Variants in TEX11 observed in about 807,000 individuals in gnomAD.
TEX11 encodes testis expressed 11, also known as testis-expressed protein 11.
TEX11 carries 7 observed loss-of-function variants against 84.4 expected under a neutral mutation model. The ratio of observed to expected loss-of-function variants is 0.08; its 90% CI spans 0.05 to 0.16. The LOEUF is 0.16. Among genes scored for constraint, TEX11 ranks in the 10% least tolerant of loss-of-function variants. TEX11 has a pLI of 1.00. For synonymous variants in TEX11, 264 were observed against 222.8 expected, an observed-to-expected ratio of 1.18 and a Z score of -1.64; for missense variants, 551 against 660.5, an observed-to-expected ratio of 0.83 and a Z score of 1.82.
At chrX:70,811,661 A>G (rs2091255557) in intron 8 of TEX11, among the ~76,000 whole-genome samples, 2 of 110,358 alleles carry the variant, frequency 1.8e-5, no homozygotes, top group Non-Finnish European at 3.8e-5. Flanking sequence ...AAGTGTTCCT[A>G]TTTCTCCACA....
intron 10 of TEX11, among the ~76,000 whole-genome samples, 186 bp from the exon 11 acceptor site, chrX:70,740,982 G>C (rs748399388): frequency 1.8e-5 from 2 of 111,038 alleles, no homozygotes; most frequent in Admixed American, 1.9e-4. Context: ...ATAAAATATT[G>C]TCTAAGAATG....
At chrX:70,647,964 G>A (rs926048600) in intron 17 of TEX11, among the ~76,000 whole-genome samples, 5 of 111,794 alleles carry the variant, frequency 4.5e-5, no homozygotes, top group South Asian at 7.5e-4. Context: ...ACATGCACAC[G>A]TATGTTTATT....
chrX:70,533,448 G>A (rs2087914568), intron 28 of TEX11, among the ~76,000 whole-genome samples: 1 of 112,104 alleles, frequency 8.9e-6, no homozygotes, highest in Admixed American at 9.5e-5. Flanking sequence ...ACAGAATACA[G>A]AGTAGCAAAG....
At chrX:70,536,088 TC>T (rs1298926800) in intron 28 of TEX11, among the ~76,000 whole-genome samples, 3 of 111,561 alleles carry the variant, frequency 2.7e-5, no homozygotes, top group Non-Finnish European at 5.6e-5. Flanking sequence ...ATCTGGATTT[TC>T]TTTATTTCTT....
At chrX:70,679,446 A>G (rs1183963994) in intron 14 of TEX11, among the ~76,000 whole-genome samples, 1 of 99,341 alleles carries the variant, frequency 1.0e-5, no homozygotes, top group Non-Finnish European at 2.0e-5. Flanking sequence ...CGCAGTCTGG[A>G]AAGTGAGGAG....
downstream of TEX11, among the ~76,000 whole-genome samples, chrX:70,525,109 A>G (rs2087810816): frequency 9.0e-6 from 1 of 111,188 alleles, no homozygotes; most frequent in Non-Finnish European, 1.9e-5. Context: ...TGAGCCTGGG[A>G]GTTTGAAGCT....
intron 25 of TEX11, among the ~76,000 whole-genome samples, chrX:70,558,410 C>T (rs943445182): frequency 9.0e-6 from 1 of 111,309 alleles, no homozygotes; most frequent in African/African-American, 3.3e-5. Context: ...ATAGCATATA[C>T]AAGAATTAAC....
At chrX:70,617,484 G>T (rs749589341) in intron 20 of TEX11, among the ~76,000 whole-genome samples, 1 of 106,570 alleles carries the variant, frequency 9.4e-6, no homozygotes, top group Admixed American at 1.0e-4. Context: ...TATATAATGA[G>T]ATACTACTCA....
chrX:70,849,833 G>A lies in TEX11; in HGVS notation c.525+3201C>T, dbSNP rs774652959. Among the ~76,000 whole-genome samples the A allele has an allele frequency of 6.3e-5, 7 of 111,880 alleles. No individual in the cohort carries two copies. The East Asian group carries it at 1.7e-3, about 27-fold the overall frequency. ...CACTTTTAACCAGCTATATAAAGAT[G>A]CCATTTAGATATCAACATCCACCAC... On this transcript the variant is annotated intron_variant, in intron 7 of 29. Transcript: ENST00000374333.
At chrX:70,534,746 T>G (rs1179276763) in intron 28 of TEX11, among the ~76,000 whole-genome samples, 4 of 111,980 alleles carry the variant, frequency 3.6e-5, no homozygotes, top group African/African-American at 1.3e-4. Context: ...CCAAAGTAAA[T>G]AGTATGTGCA....
chrX:70,739,565 C>G (rs931485435), intron 11 of TEX11, among the ~76,000 whole-genome samples: 1 of 109,511 alleles, frequency 9.1e-6, no homozygotes, highest in African/African-American at 3.3e-5. Flanking sequence ...GCACATGCCA[C>G]CACACCTGGC....
chrX:70,713,112 G>A (rs2090455917), intron 13 of TEX11, among the ~76,000 whole-genome samples: 1 of 111,736 alleles, frequency 8.9e-6, no homozygotes, highest in Non-Finnish European at 1.9e-5. Context: ...TGCATATGTT[G>A]AACCAGCCTC....
At position 70,823,132 on chromosome X, in the gene TEX11, T is replaced by C. The variant is rs2091327034; in HGVS notation, c.606+10381A>G. On this transcript the variant is annotated intron_variant, in intron 8 of 29. Transcript: ENST00000374333. ...TAAATCTGGATGACATTATGCTAAA[T>C]GAAATAAGCCAGGCACAGAAAAGCA... Among the ~76,000 whole-genome samples the C allele has an allele frequency of 4.5e-5, 5 of 111,292 alleles. No individual in the cohort carries two copies. In the South Asian group the frequency reaches 1.9e-3, roughly 43 times the overall value.
At chrX:70,648,897 G>A (rs12396290) in intron 17 of TEX11, among the ~76,000 whole-genome samples, 3 of 108,448 alleles carry the variant, frequency 2.8e-5, no homozygotes, top group Non-Finnish European at 3.8e-5. Flanking sequence ...GCCCCAGTGT[G>A]TGTTGTTCCC....
At chrX:70,887,542 C>T (rs1344519235) in intron 2 of TEX11, among the ~76,000 whole-genome samples, 1 of 112,246 alleles carries the variant, frequency 8.9e-6, no homozygotes, top group Non-Finnish European at 1.9e-5. Context: ...TCAACACCAG[C>T]TCAACCACAG....
chrX:70,667,983 A>G (rs1603207493), intron 16 of TEX11, among the ~76,000 whole-genome samples: 1 of 111,406 alleles, frequency 9.0e-6, no homozygotes, highest in Non-Finnish European at 1.9e-5. Flanking sequence ...TAGGGTTGAG[A>G]TCTGTAGAGT....
chrX:70,635,288 A>G (rs1369485234), intron 17 of TEX11, among the ~76,000 whole-genome samples: 1 of 112,425 alleles, frequency 8.9e-6, no homozygotes, highest in African/African-American at 3.2e-5. Flanking sequence ...GAAAGTGAGT[A>G]CTGGAATTTA....
At chrX:70,752,720 C>CA (rs1229128828) in intron 9 of TEX11, among the ~76,000 whole-genome samples, 2 of 109,824 alleles carry the variant, frequency 1.8e-5, no homozygotes, top group Admixed American at 9.7e-5. Context: ...ACTATCTACA[C>CA]AAAAAAATCA....
chrX:70,526,172 T>A (rs1661423152), downstream of TEX11, among the ~76,000 whole-genome samples: 1 of 111,182 alleles, frequency 9.0e-6, no homozygotes, highest in African/African-American at 3.3e-5. Flanking sequence ...AGCCAATAAG[T>A]GAATATCGGA....
Sources: allele counts gnomAD v4.1 joint callset (sites outside exome capture counted in the v4.1 genomes callset), GRCh38; gene constraint gnomAD v4.1.1; transcripts MANE v1.5; gene names NCBI Gene and HGNC (gene_info 2026-07-23, HGNC 2026-07-21).